The following CUL3 variants were observed in gnomAD, a reference collection of about 807,000 sequenced individuals.
The protein encoded by CUL3 is cullin 3, also known as cullin-3.
In CUL3, 19 loss-of-function variants were observed where a neutral mutation model predicts 89.1. The observed-to-expected ratio is 0.21, with a 90% confidence interval of 0.15 to 0.31. The LOEUF is 0.31. Ranked by LOEUF, CUL3 falls within the 10% of genes least tolerant of loss-of-function variation. CUL3 has a pLI of 1.00. For missense variants in CUL3, 469 were observed against 942.3 expected, an observed-to-expected ratio of 0.50 and a Z score of 6.58; for synonymous variants, 351 against 308.4, an observed-to-expected ratio of 1.14 and a Z score of -1.45.
intron 13 of CUL3, 163 bp downstream of exon 13, chr2:224,495,664 TAACTC>T (rs1216080330): frequency 2.9e-5 from 14 of 481,756 alleles, no homozygotes; most frequent in Non-Finnish European, 4.3e-5. Context: ...AAATAAGACA[TAACTC>T]AATACATGTA....
intron 13 of CUL3, among the ~76,000 whole-genome samples, chr2:224,486,781 T>C (rs1388476975): frequency 1.3e-5 from 2 of 151,908 alleles, no homozygotes; most frequent in African/African-American, 4.8e-5. Context: ...CACAAAGATA[T>C]TCCTCCAGAA....
intron 13 of CUL3, among the ~76,000 whole-genome samples, chr2:224,493,342 G>T (rs981472061): frequency 6.6e-6 from 1 of 152,114 alleles, no homozygotes; most frequent in Non-Finnish European, 1.5e-5. Context: ...TCTTTAAAAA[G>T]GCTAGCTAAT....
chr2:224,493,751 AC>A (rs1437697411), intron 13 of CUL3, among the ~76,000 whole-genome samples: 1 of 152,198 alleles, frequency 6.6e-6, no homozygotes, highest in Non-Finnish European at 1.5e-5. Flanking sequence ...TCTAGCATTT[AC>A]CAAGTAGCTA....
chr2:224,503,816 C>A lies in CUL3; in HGVS notation c.1213G>T (p.Glu405Ter). 6.5e-7 allele frequency: 1 copy of A among 1,546,792 alleles called. No individual in the cohort carries two copies. The highest frequency in any genetic ancestry group is 8.7e-7 in the Non-Finnish European group (1 of 1,151,130). The change falls in exon 9 of 16, where the codon GAA becomes TAA. Residue 405 changes from glutamate to a stop codon, truncating the protein, a stop_gained. Coordinates refer to ENST00000264414, the MANE Select transcript of CUL3 (RefSeq NM_003590.5). LOFTEE classifies it high-confidence loss of function. ...TCCAATATTGTTTCTACTTCTTGTT[C>A]TGTTAGCTGCAAAATTAAGATGATG... is the stretch of plus-strand genomic sequence containing the variant. ...KLKKGVKGLT[E>*]QEVETILDKA...
rs948945266 is a variant in CUL3 at position 224,585,129 on chromosome 2, C to G, written c.-120G>C. The G allele has an allele frequency of 1.4e-6, 1 of 721,892 alleles. No homozygotes were observed. Among genetic ancestry groups the G allele is most frequent in the African/African-American group, 2.0e-5 (1 of 51,084 alleles). The allele number at this position is 721,892 out of a possible 1,614,324, so 44.7% of individuals were successfully genotyped here. A position where few individuals can be genotyped will look rare whatever the true frequency, so the allele number is the denominator to read the frequency against. On this transcript the variant is annotated 5_prime_UTR_variant, in exon 1 of 16. Coordinates refer to ENST00000264414, the MANE Select transcript of CUL3 (RefSeq NM_003590.5). ...GGGCGGCGGCGGCGCGACCCCCGGG[C>G]AGGGCTGGGGAGCTGGCCGGCCCCT...
intron 8 of CUL3, 101 bp from the exon 9 acceptor site, chr2:224,503,923 G>A: frequency 1.1e-6 from 1 of 896,740 alleles, no homozygotes; most frequent in Non-Finnish European, 1.6e-6. Context: ...TGAAAACATA[G>A]ATATCTGGTT....
chr2:224,563,575 T>C (rs547497245), intron 1 of CUL3, among the ~76,000 whole-genome samples: 1 of 152,340 alleles, frequency 6.6e-6, no homozygotes, highest in South Asian at 2.1e-4. Flanking sequence ...TTTAAGTTAC[T>C]AGCAACCAAC....
At chr2:224,539,201 T>C (rs1216323408) in intron 2 of CUL3, among the ~76,000 whole-genome samples, 1 of 152,216 alleles carries the variant, frequency 6.6e-6, no homozygotes, top group Non-Finnish European at 1.5e-5. Flanking sequence ...AGATGGCAAG[T>C]AAGCATTTGA....
chr2:224,583,517 A>C (rs921100848), intron 1 of CUL3, among the ~76,000 whole-genome samples: 2 of 152,244 alleles, frequency 1.3e-5, no homozygotes, highest in Non-Finnish European at 2.9e-5. Context: ...CATACTAGTA[A>C]GCTTCGTTAG....
At chr2:224,564,765 C>T (rs1380960682) in intron 1 of CUL3, among the ~76,000 whole-genome samples, 1 of 152,098 alleles carries the variant, frequency 6.6e-6, no homozygotes, top group Non-Finnish European at 1.5e-5. Flanking sequence ...TTGTTTCAAC[C>T]ACCTGCTACA....
chr2:224,483,016 T>C (rs949603328), intron 13 of CUL3, among the ~76,000 whole-genome samples: 3 of 152,064 alleles, frequency 2.0e-5, no homozygotes. Context: ...GAGCAACAGT[T>C]CTGTTCTCCT....
At chr2:224,578,585 G>A (rs910907100) in intron 1 of CUL3, among the ~76,000 whole-genome samples, 2 of 151,994 alleles carry the variant, frequency 1.3e-5, no homozygotes, top group Non-Finnish European at 2.9e-5. Context: ...AACAGACTAT[G>A]GTTGAATAGT....
intron 1 of CUL3, among the ~76,000 whole-genome samples, chr2:224,559,947 T>C (rs1694850682): frequency 6.6e-6 from 1 of 151,974 alleles, no homozygotes; most frequent in African/African-American, 2.4e-5. Flanking sequence ...TCGGGCATGG[T>C]GGCATGCACC....
intron 5 of CUL3, 36 bp downstream of exon 5, chr2:224,513,477 ATTAAGAACATC>A (rs530843424): frequency 1.3e-5 from 16 of 1,217,278 alleles, no homozygotes; most frequent in Non-Finnish European, 1.9e-5. Context: ...ATTAAATAAC[ATTAAGAACATC>A]TTAAAAGATT....
chr2:224,524,381 T>C (rs532888095), intron 3 of CUL3, among the ~76,000 whole-genome samples: 1 of 152,250 alleles, frequency 6.6e-6, no homozygotes, highest in African/African-American at 2.4e-5. Flanking sequence ...TTCACTGAGA[T>C]GTTTACTGAT....
chr2:224,520,636 G>A (rs901193892), intron 3 of CUL3, among the ~76,000 whole-genome samples: 1 of 152,126 alleles, frequency 6.6e-6, no homozygotes, highest in Admixed American at 6.5e-5. Context: ...GAGAGAGATG[G>A]AGTCTTTCTA....
intron 1 of CUL3, among the ~76,000 whole-genome samples, chr2:224,577,498 G>T (rs1413639113): frequency 6.6e-6 from 1 of 151,892 alleles, no homozygotes; most frequent in Non-Finnish European, 1.5e-5. Context: ...GAACCCGGGA[G>T]GTGGAGCTTG....
chr2:224,510,860 T>A (rs1421243561), intron 6 of CUL3, among the ~76,000 whole-genome samples: 1 of 152,210 alleles, frequency 6.6e-6, no homozygotes, highest in Non-Finnish European at 1.5e-5. Context: ...CCCAAACCAA[T>A]CTAATTTATC....
At chr2:224,516,318 CTTTT>C (rs68130414) in intron 3 of CUL3, among the ~76,000 whole-genome samples, 4 of 133,418 alleles carry the variant, frequency 3.0e-5, no homozygotes, top group Admixed American at 7.5e-5. Context: ...TTTTTGTTTG[CTTTT>C]TTTTTTTTTT....
Sources: gnomAD v4.1 joint callset for allele counts (sites outside exome capture counted in the v4.1 genomes callset) on GRCh38, gnomAD v4.1.1 for gene constraint, MANE v1.5 for transcripts, NCBI Gene and HGNC (gene_info 2026-07-23, HGNC 2026-07-21) for gene names.